Variants in LMNTD2 observed in about 807,000 individuals in gnomAD.
The protein encoded by LMNTD2 is lamin tail domain containing 2, also known as lamin tail domain-containing protein 2.
In LMNTD2, 83 loss-of-function variants were observed where a neutral mutation model predicts 70.1. The ratio of observed to expected loss-of-function variants is 1.18; its 90% CI spans 0.99 to 1.42. The LOEUF (loss-of-function observed/expected upper bound fraction) is 1.42, where lower values mean the gene tolerates loss of function less well. LMNTD2 is among the 40% of genes most tolerant of loss of function. The pLI is 0.00. For missense variants in LMNTD2, 1,153 were observed against 905.9 expected (o/e 1.27, Z -3.50); for synonymous variants, 534 against 406.1 (o/e 1.31, Z -3.79).
At position 557,425 on chromosome 11, in the gene LMNTD2, G is replaced by A; in HGVS notation, c.687C>T (p.Thr229=). The A allele has an allele frequency of 2.5e-6, 4 of 1,608,822 alleles. No individual in the cohort carries two copies. Among genetic ancestry groups the A allele is most frequent in the Non-Finnish European group, 3.4e-6 (4 of 1,177,542 alleles). Residue 229 remains threonine, a synonymous_variant, in exon 7 of 14, where the codon ACC becomes ACT. Coordinates refer to ENST00000329451, the MANE Select transcript of LMNTD2 (RefSeq NM_173573.3). ...SVARRYPNLF[T]NMEPSSKQKQ... Reference sequence around the variant, plus strand: ...TTTGCTTTGAGCTGGGCTCCATGTTGGTGAAGAGGTTGGGATACCGGCGGG... The same window carrying A: ...TTTGCTTTGAGCTGGGCTCCATGTTAGTGAAGAGGTTGGGATACCGGCGGG...
rs761889116 is a variant in LMNTD2 at position 556,471 on chromosome 11, C to G, written c.1073+21G>C. 1.5e-5 allele frequency: 23 copies of G among 1,549,838 alleles called. No individual in the cohort carries two copies. In the African/African-American group the frequency reaches 2.9e-4, roughly 19 times the overall value. On this transcript the variant is annotated intron_variant, in intron 9 of 13. Coordinates refer to ENST00000329451, the MANE Select transcript of LMNTD2 (RefSeq NM_173573.3). ...ACCAGCTCCAGTCCGGCGCCGGAGG[C>G]TTGGGTCACTCGCCCCTTACCTCTG...
At chr11:560,512 G>A (rs1208708370) in intron 1 of LMNTD2, 171 bp downstream of exon 1, 2 of 1,270,458 alleles carry the variant, frequency 1.6e-6, no homozygotes, top group Admixed American at 4.2e-5. Flanking sequence ...TACTGCAGCT[G>A]CGGTAGGCCC....
Position 557,560 on chromosome 11 carries a change from G to C in LMNTD2, c.624+12C>G. 1 of 1,613,450 alleles carries C rather than the reference G, an allele frequency of 6.2e-7. No individual in the cohort carries two copies. The highest frequency in any genetic ancestry group is 8.5e-7 in the Non-Finnish European group (1 of 1,179,862). ...CAGATACCAGACCACACACGTGGGA[G>C]GCCTAGCTCACCTCCCCGGTGGGGG... On this transcript the variant is annotated intron_variant, in intron 6 of 13. Coordinates refer to ENST00000329451, the MANE Select transcript of LMNTD2 (RefSeq NM_173573.3).
rs1156462458 is a variant in LMNTD2, at chr11:558,031, C to T, written c.408G>A (p.Glu136=). ...EQKERAQWEK[E]HLEERLLQTT... is the part of the protein sequence containing the mutation. ...TCTGCAGCAGCCGCTCCTCCAGGTG[C>T]TCCTTCTCCTGCTCCGAGAGGGCCT... The change falls in exon 5 of 14, where the codon GAG becomes GAA. Residue 136 remains glutamate (E), a synonymous_variant. Coordinates refer to ENST00000329451, the MANE Select transcript of LMNTD2 (RefSeq NM_173573.3). The T allele has an allele frequency of 4.4e-6, 7 of 1,578,762 alleles. No homozygotes were observed. Among genetic ancestry groups the T allele is most frequent in the Non-Finnish European group, 6.0e-6 (7 of 1,160,572 alleles).
intron 12 of LMNTD2, 73 bp from the exon 13 acceptor site, chr11:555,576 C>T: frequency 4.7e-6 from 6 of 1,289,030 alleles, no homozygotes; most frequent in Admixed American, 8.4e-5. Context: ...GCGCCTGGGG[C>T]GGGGCAGGGG....
chr11:556,476 G>GT lies in LMNTD2; in HGVS notation c.1073+15dup. The GT allele has an allele frequency of 6.5e-7, 1 of 1,550,012 alleles. No homozygotes were observed. Among genetic ancestry groups the GT allele is most frequent in the Non-Finnish European group, 8.7e-7 (1 of 1,146,810 alleles). The stretch of plus-strand genomic sequence containing the variant: ...CTCCAGTCCGGCGCCGGAGGCTTGG[G>GT]TCACTCGCCCCTTACCTCTGCAGGA... On this transcript the variant is annotated intron_variant, in intron 9 of 13. Transcript: ENST00000329451.
Position 556,137 on chromosome 11 carries a change from G to A in LMNTD2, c.1258-22C>T, listed in dbSNP as rs1021447149. 3.7e-6 allele frequency: 5 copies of A among 1,342,218 alleles called. No homozygotes were observed. The Admixed American group carries it at 1.2e-4, about 32-fold the overall frequency. The allele number at this position is 1,342,218 out of a possible 1,614,324, so 83.1% of individuals were successfully genotyped here. ...AGACCTGGAGGGGCGTGGAGCGGCG[G>A]GTGAGGGGCGGCCGGGCCGGGCCGT... On this transcript the variant is annotated intron_variant, in intron 10 of 13. Transcript: ENST00000329451.
intron 1 of LMNTD2, chr11:560,408 G>A (rs1853201411): frequency 3.3e-6 from 4 of 1,224,276 alleles, no homozygotes; most frequent in Non-Finnish European, 2.0e-6. Context: ...GGCACCTCCC[G>A]CACCAGGACT....
At chr11:558,392 C>T (rs1853039745) in intron 3 of LMNTD2, 144 bp from the exon 4 acceptor site, 1 of 1,102,936 alleles carries the variant, frequency 9.1e-7, no homozygotes, top group Non-Finnish European at 1.3e-6. Flanking sequence ...CTGGGGCTGG[C>T]CAGCCTCCGG....
At position 555,017 on chromosome 11, in the gene LMNTD2, C is replaced by T; in HGVS notation, c.1868G>A (p.Cys623Tyr). ...GCAGGTGTCCGCGGTGACCGGCAGG[C>T]AGCTGAGGAAGCGGAAGCCGAATCT... ...ESRFGFRFLSCLPVTADTCRG... is the reference protein window; with the variant it reads ...ESRFGFRFLSYLPVTADTCRG... The change falls in exon 14 of 14, where the codon TGC (cysteine) becomes TAC (tyrosine). Residue 623 changes from cysteine (C) to tyrosine (Y), a missense_variant. Coordinates refer to ENST00000329451, the MANE Select transcript of LMNTD2 (RefSeq NM_173573.3). 1 of 1,592,602 alleles carries T rather than the reference C, an allele frequency of 6.3e-7. No homozygotes were observed. Among genetic ancestry groups the T allele is most frequent in the Non-Finnish European group, 8.5e-7 (1 of 1,172,942 alleles).
intron 1 of LMNTD2, chr11:559,882 C>G (rs1288191149): frequency 1.7e-6 from 1 of 572,682 alleles, no homozygotes; most frequent in Non-Finnish European, 2.2e-6. Context: ...ACTTCCGCCT[C>G]CTGACTTGCT....
rs1029560519 is a variant in LMNTD2, at chr11:558,483, G to A, written c.311+131C>T. On this transcript the variant is annotated intron_variant, in intron 3 of 13. Coordinates refer to ENST00000329451, the MANE Select transcript of LMNTD2 (RefSeq NM_173573.3). The stretch of plus-strand genomic sequence containing the variant: ...TATAGCGTGTTAACTTAGGATCAGG[G>A]TGGAGGGTCAGCGCGGGCAAGGATG... The A allele has an allele frequency of 2.3e-5, 29 of 1,241,488 alleles. No individual in the cohort carries two copies. The Admixed American group carries it at 6.6e-4, about 28-fold the overall frequency. The allele number at this position is 1,241,488 out of a possible 1,614,324, so 76.9% of individuals were successfully genotyped here. A position where few individuals can be genotyped will look rare whatever the true frequency, so the allele number is the denominator to read the frequency against.
rs368266893 is a variant in LMNTD2 at position 555,472 on chromosome 11, C to T, written c.1606G>A (p.Gly536Arg). ...TRGLLPPVSS[G>R]KLFHAREGPA... ...CCCTCCCGCGCGTGGAAGAGCTTCCCCGAGCTCACTGGGGGCAGCAGGCCC... is the reference window on the plus strand; with the variant it reads ...CCCTCCCGCGCGTGGAAGAGCTTCCTCGAGCTCACTGGGGGCAGCAGGCCC... The change falls in exon 13 of 14, where the codon GGG (glycine) becomes AGG (arginine). Residue 536 changes from glycine to arginine, a missense_variant. Gly to Arg is a moderately radical substitution (Grantham distance 125). Coordinates refer to ENST00000329451, the MANE Select transcript of LMNTD2 (RefSeq NM_173573.3). 24 of 1,377,708 alleles carry T rather than the reference C, an allele frequency of 1.7e-5. No individual in the cohort carries two copies. In the African/African-American group the frequency reaches 3.5e-4, roughly 20 times the overall value. The allele number at this position is 1,377,708 out of a possible 1,614,324, so 85.3% of individuals were successfully genotyped here. A position where few individuals can be genotyped will look rare whatever the true frequency, so the allele number is the denominator to read the frequency against.
In LMNTD2 at chr11:556,530, G is replaced by T. The variant is rs551974284; in HGVS notation, c.1035C>A (p.Cys345Ter). 1.9e-6 allele frequency: 3 copies of T among 1,561,328 alleles called. No individual in the cohort carries two copies. The East Asian group carries it at 7.1e-5, about 37-fold the overall frequency. ...CCGGGCTCCAGTGGTCCGGGTCTGT[G>T]CAGGGCTGGGGCGACAGGACCGGCT... is the stretch of plus-strand genomic sequence containing the variant. ...HGEPVLSPQPCTDPDHWSPEL... is the reference protein window; with the variant it reads ...HGEPVLSPQP The change falls in exon 9 of 14, where the codon TGC (cysteine) becomes TGA (stop). Residue 345 changes from cysteine (C) to a stop codon, truncating the protein, a stop_gained. Coordinates refer to ENST00000329451, the MANE Select transcript of LMNTD2 (RefSeq NM_173573.3). LOFTEE classifies it high-confidence loss of function.
chr11:560,412 C>T, intron 1 of LMNTD2: 1 of 1,231,900 alleles, frequency 8.1e-7, no homozygotes, highest in Non-Finnish European at 1.0e-6. Flanking sequence ...CCTCCCGCAC[C>T]AGGACTCTGC....
rs771564850 is a variant in LMNTD2, at chr11:555,110, A to AC, written c.1774dup (p.Val592GlyfsTer9). ...GCTACGGTCCACGCTCTTCCGGCAC[A>AC]CCTGGGGGGCGCGGGGGCTGAGAGG... On this transcript the variant is annotated frameshift_variant and splice_region_variant, in exon 14 of 14. Coordinates refer to ENST00000329451, the MANE Select transcript of LMNTD2 (RefSeq NM_173573.3). LOFTEE classifies it low-confidence loss of function (END_TRUNC). 3 of 1,433,388 alleles carry AC rather than the reference A, an allele frequency of 2.1e-6. No homozygotes were observed. The East Asian group carries it at 8.8e-5, about 42-fold the overall frequency. The allele number at this position is 1,433,388 out of a possible 1,614,324, so 88.8% of individuals were successfully genotyped here.
intron 1 of LMNTD2, chr11:560,277 G>A (rs979836298): frequency 2.9e-6 from 3 of 1,024,772 alleles, no homozygotes; most frequent in African/African-American, 3.4e-5. Context: ...GGGACAGTAG[G>A]GTAGGGGGTG....
At chr11:559,156 GCTCTC>G in intron 1 of LMNTD2, 177 bp from the exon 2 acceptor site, 6 of 1,462,992 alleles carry the variant, frequency 4.1e-6, no homozygotes, top group Non-Finnish European at 5.4e-6. Context: ...ACAGAGCGTT[GCTCTC>G]TGAAGGGACC....
At chr11:560,543 G>A in intron 1 of LMNTD2, 140 bp downstream of exon 1, 1 of 1,279,294 alleles carries the variant, frequency 7.8e-7, no homozygotes, top group Middle Eastern at 2.9e-4. Context: ...CCCGGGAAGC[G>A]AGGGGAGGGG....
Sources: gnomAD v4.1 joint callset for allele counts on GRCh38, gnomAD v4.1.1 for gene constraint, MANE v1.5 for transcripts, NCBI Gene and HGNC (gene_info 2026-07-23, HGNC 2026-07-21) for gene names.